The following LRBA variants were observed in gnomAD, a reference collection of about 807,000 sequenced individuals.
LRBA encodes LPS responsive beige-like anchor protein.
In LRBA, 176 loss-of-function variants were observed where a neutral mutation model predicts 330.0. The observed-to-expected ratio is 0.53, with a 90% CI of 0.47 to 0.60. The LOEUF is 0.60. Among genes scored for constraint, LRBA ranks in the 20% least tolerant of loss-of-function variants. The pLI, the probability that LRBA is intolerant of heterozygous loss-of-function variation, is 0.00. For synonymous variants in LRBA, 1,230 were observed against 1,193.0 expected (o/e 1.03, Z -0.64); for missense variants, 3,259 against 3,444.8 (o/e 0.95, Z 1.35).
At chr4:150,681,330 T>C (rs1046733724) in intron 37 of LRBA, among the ~76,000 whole-genome samples, 3 of 152,220 alleles carry the variant, frequency 2.0e-5, no homozygotes, top group African/African-American at 7.2e-5. Flanking sequence ...AATCAGAGAA[T>C]AGTTAACCAC....
At chr4:150,850,493 C>T (rs1198977924) in intron 24 of LRBA, among the ~76,000 whole-genome samples, 1 of 152,088 alleles carries the variant, frequency 6.6e-6, no homozygotes, top group East Asian at 1.9e-4. Flanking sequence ...AAATCTACTA[C>T]AAATTTTTTT....
intron 40 of LRBA, among the ~76,000 whole-genome samples, chr4:150,495,375 C>T (rs1759469469): frequency 6.6e-6 from 1 of 151,952 alleles, no homozygotes; most frequent in South Asian, 2.1e-4. Context: ...AGTTTTAAAA[C>T]TTAGAGAAGA....
chr4:151,014,337 G>C, intron 2 of LRBA, 90 bp downstream of exon 2: 1 of 1,018,818 alleles, frequency 9.8e-7, no homozygotes, highest in Non-Finnish European at 1.5e-6. Flanking sequence ...GTCACCATCA[G>C]TGTGAGTAAA....
chr4:150,718,084 AT>A (rs1728469634), intron 36 of LRBA, among the ~76,000 whole-genome samples: 1 of 152,132 alleles, frequency 6.6e-6, no homozygotes, highest in South Asian at 2.1e-4. Flanking sequence ...GCATGACATA[AT>A]TTTTTTCATA....
intron 2 of LRBA, among the ~76,000 whole-genome samples, chr4:150,947,046 T>C (rs1388872956): frequency 1.3e-5 from 2 of 151,980 alleles, no homozygotes; most frequent in African/African-American, 4.8e-5. Context: ...ATTTGAATAA[T>C]CCTATAATTA....
chr4:150,764,493 T>C (rs976834020), intron 34 of LRBA, among the ~76,000 whole-genome samples: 1 of 152,000 alleles, frequency 6.6e-6, no homozygotes, highest in Non-Finnish European at 1.5e-5. Flanking sequence ...TTCCTATGTA[T>C]CAGTAATAAC....
chr4:150,663,670 T>C (rs11099774), intron 37 of LRBA, among the ~76,000 whole-genome samples: 123,614 of 152,054 alleles, frequency 0.81, 53,346 homozygotes, highest in Non-Finnish European at 0.95. Context: ...ATATCAGGTA[T>C]TGGACCAGGG....
At chr4:150,448,886 T>C (rs958667833) in intron 44 of LRBA, among the ~76,000 whole-genome samples, 1 of 147,960 alleles carries the variant, frequency 6.8e-6, no homozygotes, top group African/African-American at 2.5e-5. Context: ...TAAATACCAG[T>C]ATTGGGTGAA....
chr4:150,393,167 T>C (rs1170920476), intron 47 of LRBA, among the ~76,000 whole-genome samples: 1 of 152,112 alleles, frequency 6.6e-6, no homozygotes, highest in Non-Finnish European at 1.5e-5. Context: ...TCTGGATTAA[T>C]TATTTCCATT....
chr4:150,747,973 T>C (rs1267960524), intron 35 of LRBA, among the ~76,000 whole-genome samples: 5 of 152,146 alleles, frequency 3.3e-5, no homozygotes, highest in Non-Finnish European at 7.4e-5. Context: ...ATTTCAAATC[T>C]AACATTTCCA....
intron 52 of LRBA, among the ~76,000 whole-genome samples, chr4:150,306,614 C>T (rs1730389575): frequency 6.6e-6 from 1 of 151,816 alleles, no homozygotes; most frequent in Non-Finnish European, 1.5e-5. Flanking sequence ...AAGGCTATTC[C>T]TTATTTGTAC....
chr4:150,352,499 T>C (rs1386201763), intron 47 of LRBA, among the ~76,000 whole-genome samples: 1 of 152,214 alleles, frequency 6.6e-6, no homozygotes, highest in East Asian at 1.9e-4. Context: ...AATACTTAGC[T>C]AGGTTCAATT....
chr4:150,445,404 T>TAC (rs1752499173), intron 44 of LRBA, among the ~76,000 whole-genome samples: 1 of 137,888 alleles, frequency 7.3e-6, no homozygotes, highest in Admixed American at 7.3e-5. Context: ...TATATATATA[T>TAC]ATATATACAT....
intron 47 of LRBA, among the ~76,000 whole-genome samples, chr4:150,400,111 T>C (rs1240847255): frequency 1.3e-5 from 2 of 152,230 alleles, no homozygotes; most frequent in Non-Finnish European, 2.9e-5. Context: ...TCAGTGTTAC[T>C]GGACTATAGT....
At position 150,808,300 on chromosome 4, in the gene LRBA, C is replaced by G; in HGVS notation, c.5384+20G>C. 6.5e-7 allele frequency: 1 copy of G among 1,546,838 alleles called. No individual in the cohort carries two copies. Among genetic ancestry groups the G allele is most frequent in the Non-Finnish European group, 8.9e-7 (1 of 1,123,174 alleles). ...ATCAAAAGGTATAAATCACAATATT[C>G]AAGTTAGTAGCTTAAATACCTCATA... is the stretch of plus-strand genomic sequence containing the variant. On this transcript the variant is annotated intron_variant, in intron 32 of 56. Transcript: ENST00000651943.
chr4:150,965,927 G>A (rs1330692355), intron 2 of LRBA, among the ~76,000 whole-genome samples: 5 of 152,048 alleles, frequency 3.3e-5, no homozygotes, highest in African/African-American at 1.2e-4. Flanking sequence ...GGAGAAAAGA[G>A]GTCATAGAGA....
At chr4:150,972,654 A>C (rs1372204699) in intron 2 of LRBA, among the ~76,000 whole-genome samples, 1 of 152,260 alleles carries the variant, frequency 6.6e-6, no homozygotes, top group Non-Finnish European at 1.5e-5. Flanking sequence ...TTAAAAGGAA[A>C]TGCATTTCCC....
chr4:150,325,178 C>T (rs1197738251), intron 49 of LRBA, among the ~76,000 whole-genome samples: 1 of 152,060 alleles, frequency 6.6e-6, no homozygotes, highest in African/African-American at 2.4e-5. Context: ...GATGAAAGGC[C>T]ACATGGAAAG....
Position 150,735,287 on chromosome 4 carries a change from C to T in LRBA, c.5725G>A (p.Glu1909Lys), listed in dbSNP as rs1731040876. 2 of 1,613,758 alleles carry T rather than the reference C, an allele frequency of 1.2e-6. No homozygotes were observed. Among genetic ancestry groups the T allele is most frequent in the East Asian group, 4.5e-5 (2 of 44,856 alleles). Residue 1909 changes from glutamate to lysine, a missense_variant, in exon 36 of 57, where the codon GAA (glutamate) becomes AAA (lysine). Physicochemically the swap from Glu to Lys is moderately conservative, Grantham distance 56. Coordinates refer to ENST00000651943, the MANE Select transcript of LRBA (RefSeq NM_001364905.1). ...AEFILSRQRA[E>K]DIHRHAEFES... ...AATTCCGCATGTCTGTGAATATCTT[C>T]TGCTCTCTGCCTGCTCAGGATAAAT...
Sources: allele counts gnomAD v4.1 joint callset (sites outside exome capture counted in the v4.1 genomes callset), GRCh38; gene constraint gnomAD v4.1.1; transcripts MANE v1.5; gene names NCBI Gene and HGNC (gene_info 2026-07-23, HGNC 2026-07-21).